AGBL1: variants seen among roughly 807,000 people sequenced by gnomAD.
AGBL1 encodes cytosolic carboxypeptidase 4.
Under a neutral mutation model 118.9 loss-of-function variants are expected in AGBL1, and 130 were observed. The ratio of observed to expected loss-of-function variants is 1.09; its 90% CI spans 0.95 to 1.26. AGBL1 has a LOEUF of 1.26. AGBL1 is among the 50% of genes most tolerant of loss of function. AGBL1 has a pLI of 0.00. For missense variants in AGBL1, 1,584 were observed against 1,298.1 expected (o/e 1.22, Z -3.38); for synonymous variants, 555 against 478.9 (o/e 1.16, Z -2.08).
intron 5 of AGBL1, among the ~76,000 whole-genome samples, chr15:86,192,948 A>G (rs1373320759): frequency 1.3e-5 from 2 of 152,220 alleles, no homozygotes; most frequent in South Asian, 2.1e-4. Flanking sequence ...TATTGAAAGC[A>G]CACATAAGCA....
intron 22 of AGBL1, among the ~76,000 whole-genome samples, chr15:86,734,830 C>T (rs150786132): frequency 9.9e-5 from 15 of 152,164 alleles, no homozygotes; most frequent in Admixed American, 7.9e-4. Flanking sequence ...AAAGAGCAAG[C>T]CTTTCCTTAC....
At chr15:86,231,719 T>C (rs2141950923) in intron 6 of AGBL1, among the ~76,000 whole-genome samples, 1 of 152,300 alleles carries the variant, frequency 6.6e-6, no homozygotes, top group East Asian at 1.9e-4. Flanking sequence ...GTAACTCACA[T>C]CGTTAGTGGG....
chr15:86,641,337 C>T (rs560684407), intron 21 of AGBL1, among the ~76,000 whole-genome samples: 8 of 151,734 alleles, frequency 5.3e-5, no homozygotes, highest in Admixed American at 1.3e-4. Flanking sequence ...ATACAAATAA[C>T]GTATAGAATA....
At chr15:86,785,712 A>G (rs983743486) in intron 22 of AGBL1, among the ~76,000 whole-genome samples, 8 of 152,174 alleles carry the variant, frequency 5.3e-5, no homozygotes, top group African/African-American at 1.9e-4. Flanking sequence ...TATGATGAGC[A>G]ATCCAGTTTG....
At chr15:86,359,251 T>TC (rs1416932180) in intron 17 of AGBL1, among the ~76,000 whole-genome samples, 1 of 151,934 alleles carries the variant, frequency 6.6e-6, no homozygotes, top group Non-Finnish European at 1.5e-5. Flanking sequence ...ATCCAGTTTT[T>TC]CCAATACCAT....
chr15:86,495,856 AT>A (rs768744874), intron 18 of AGBL1, among the ~76,000 whole-genome samples: 3 of 149,378 alleles, frequency 2.0e-5, no homozygotes, highest in Non-Finnish European at 3.0e-5. Flanking sequence ...TTTTTTTCCT[AT>A]TTGATCTGTA....
chr15:86,604,091 T>C (rs902513049), intron 21 of AGBL1, among the ~76,000 whole-genome samples: 8 of 150,668 alleles, frequency 5.3e-5, no homozygotes, highest in African/African-American at 2.0e-4. Flanking sequence ...ATACAAATTG[T>C]GTTAAAATTA....
At chr15:86,186,065 A>G (rs576557659) in intron 5 of AGBL1, among the ~76,000 whole-genome samples, 12 of 152,308 alleles carry the variant, frequency 7.9e-5, no homozygotes, top group Admixed American at 5.9e-4. Flanking sequence ...CAAAACTTGA[A>G]CAATTGAATT....
At position 86,676,692 on chromosome 15, in the gene AGBL1, C is replaced by A. The variant is rs562025718; in HGVS notation, c.3158+2256C>A. ...CACCCTCCTCTCCTCCTGCCTCTTT[C>A]TTTGACATAACAGGGTTTCCAGCAT... On this transcript the variant is annotated intron_variant, in intron 22 of 22. Transcript: ENST00000614907. Among the ~76,000 whole-genome samples the A allele has an allele frequency of 2.6e-5, 4 of 152,232 alleles. No individual in the cohort carries two copies. The South Asian group carries it at 8.3e-4, about 32-fold the overall frequency.
intron 18 of AGBL1, among the ~76,000 whole-genome samples, chr15:86,467,655 G>T (rs1002057814): frequency 1.3e-5 from 2 of 152,198 alleles, no homozygotes; most frequent in Admixed American, 6.5e-5. Context: ...CATGGGAAAG[G>T]TATAGTGTCT....
rs555559013 is a variant in AGBL1 at position 86,644,589 on chromosome 15, G to T, written c.2995-29684G>T. Among the ~76,000 whole-genome samples, 3 of 150,028 alleles carry T rather than the reference G, an allele frequency of 2.0e-5. No homozygotes were observed. The East Asian group carries it at 5.9e-4, about 29-fold the overall frequency. On this transcript the variant is annotated intron_variant, in intron 21 of 22. Transcript: ENST00000614907. ...CATCTTTCATTCAACATTAGATTTG[G>T]TCATGTGTTTTGTGTGATACATTCT...
intron 5 of AGBL1, among the ~76,000 whole-genome samples, chr15:86,203,102 G>A (rs1249524659): frequency 1.3e-5 from 2 of 151,880 alleles, no homozygotes; most frequent in East Asian, 3.9e-4. Flanking sequence ...AAAGAATAAT[G>A]ATAGTGATAA....
intron 23 of AGBL1, among the ~76,000 whole-genome samples, chr15:86,928,205 CAAGT>C (rs2141630784): frequency 6.6e-6 from 1 of 152,204 alleles, no homozygotes; most frequent in Non-Finnish European, 1.5e-5. Context: ...TATGCAAACT[CAAGT>C]AAGGATGCTG....
At chr15:86,901,136 A>C (rs1456683352) in intron 22 of AGBL1, among the ~76,000 whole-genome samples, 1 of 152,154 alleles carries the variant, frequency 6.6e-6, no homozygotes, top group Non-Finnish European at 1.5e-5. Flanking sequence ...TGACCATTCG[A>C]TGGTTTTCCA....
In AGBL1 at chr15:86,915,934, C is replaced by T. The variant is rs2080416796; in HGVS notation, c.*8640C>T. On this transcript the variant is annotated 3_prime_UTR_variant, in exon 23 of 23. Coordinates refer to ENST00000614907, the MANE Select transcript of AGBL1 (RefSeq NM_001386094.1). ...GGAGGCGTCCAGGAGAAACCTCCCT[C>T]AGCCCCGTTTGCGGTGCCTCCTGGT... The T allele has an allele frequency of 6.6e-6, 1 of 152,240 alleles. No homozygotes were observed. The allele number at this position is 152,240 out of a possible 1,614,324, so 9.4% of individuals were successfully genotyped here.
downstream of AGBL1, among the ~76,000 whole-genome samples, chr15:87,029,427 G>A (rs2081765141): frequency 6.6e-6 from 1 of 151,868 alleles, no homozygotes; most frequent in Non-Finnish European, 1.5e-5. Context: ...ATGCTTTGAT[G>A]TGCTAATACT....
chr15:86,979,937 G>T (rs775922978), intron 23 of AGBL1, among the ~76,000 whole-genome samples: 3 of 152,064 alleles, frequency 2.0e-5, no homozygotes, highest in Non-Finnish European at 4.4e-5. Flanking sequence ...ATTTTTACTG[G>T]GATCCACTAA....
At chr15:86,206,229 T>C (rs1012443864) in intron 5 of AGBL1, among the ~76,000 whole-genome samples, 1 of 152,200 alleles carries the variant, frequency 6.6e-6, no homozygotes, top group Non-Finnish European at 1.5e-5. Flanking sequence ...GACATTTGGG[T>C]TGGTTCCACG....
Position 86,809,743 on chromosome 15 carries a change from T to C in AGBL1, c.3159-97344T>C, listed in dbSNP as rs141453530. ...CTCTATTTGACTTAAATGAACAACA[T>C]TTAAGAACCCATTCATCTATATTAT... On this transcript the variant is annotated intron_variant, in intron 22 of 22. Transcript: ENST00000614907. Among the ~76,000 whole-genome samples, 1,386 of 152,272 alleles carry C rather than the reference T, an allele frequency of 9.1e-3. 13 individuals carry two copies. The highest frequency in any genetic ancestry group is 0.027 in the African/African-American group (1,123 of 41,556).
Sources: gnomAD v4.1 joint callset for allele counts (sites outside exome capture counted in the v4.1 genomes callset) on GRCh38, gnomAD v4.1.1 for gene constraint, MANE v1.5 for transcripts, NCBI Gene and HGNC (gene_info 2026-07-23, HGNC 2026-07-21) for gene names.